Variants in ROS1 observed in about 807,000 individuals in gnomAD.
ROS1 encodes the protein ROS proto-oncogene 1, receptor tyrosine kinase.
Under a neutral mutation model 273.5 loss-of-function variants are expected in ROS1, and 263 were observed. That is an observed-to-expected ratio of 0.96 (90% CI 0.87 to 1.06). The LOEUF (loss-of-function observed/expected upper bound fraction) is 1.06. Among genes scored for constraint, ROS1 ranks in the 50% least tolerant of loss-of-function variants. ROS1 has a pLI of 0.00. For synonymous variants in ROS1, 1,008 were observed against 954.1 expected, an observed-to-expected ratio of 1.06 and a Z score of -1.04; for missense variants, 2,833 against 2,751.1, an observed-to-expected ratio of 1.03 and a Z score of -0.67.
chr6:117,330,416 A>G (rs1776995467), intron 32 of ROS1, among the ~76,000 whole-genome samples: 1 of 152,236 alleles, frequency 6.6e-6, no homozygotes. Flanking sequence ...GAATCTGGGA[A>G]GCCCAGACAA....
chr6:117,330,350 G>T (rs1178303605), intron 32 of ROS1, among the ~76,000 whole-genome samples: 2 of 152,240 alleles, frequency 1.3e-5, no homozygotes, highest in Non-Finnish European at 2.9e-5. Flanking sequence ...AGGGGGAGGG[G>T]TGGCTGCAGT....
chr6:117,328,515 A>G (rs1776810448), intron 33 of ROS1: 2 of 387,584 alleles, frequency 5.2e-6, no homozygotes, highest in Non-Finnish European at 9.9e-6. Flanking sequence ...GGAATTCTCT[A>G]GTATGAACAG....
At chr6:117,351,218 C>T (rs1453330756) in intron 27 of ROS1, among the ~76,000 whole-genome samples, 2 of 152,126 alleles carry the variant, frequency 1.3e-5, no homozygotes, top group African/African-American at 4.8e-5. Context: ...GTGAACTTCA[C>T]AGGTTCTTTT....
Position 117,288,109 on chromosome 6 carries a change from A to G in ROS1, c.*383T>C, listed in dbSNP as rs182532477. 8.3e-4 allele frequency among the ~76,000 whole-genome samples: 126 copies of G among 152,146 alleles called. No individual in the cohort carries two copies. The highest frequency in any genetic ancestry group is 1.6e-3 in the Non-Finnish European group (110 of 67,982). ...GAGCCTACTCCTTAGCCTCTTCTTTATATCGCTGAACACACCTATTCTGTC... is the reference window on the plus strand; with the variant it reads ...GAGCCTACTCCTTAGCCTCTTCTTTGTATCGCTGAACACACCTATTCTGTC... On this transcript the variant is annotated 3_prime_UTR_variant, in exon 44 of 44. Coordinates refer to ENST00000368507, the MANE Select transcript of ROS1 (RefSeq NM_001378902.1).
chr6:117,362,938 T>TA, intron 21 of ROS1, 73 bp from the exon 22 acceptor site: 2 of 1,267,046 alleles, frequency 1.6e-6, no homozygotes, highest in Non-Finnish European at 2.1e-6. Flanking sequence ...TTACCACTTA[T>TA]AATAAGATTG....
chr6:117,367,118 G>A (rs1158657029), intron 18 of ROS1, among the ~76,000 whole-genome samples: 1 of 152,204 alleles, frequency 6.6e-6, no homozygotes, highest in Non-Finnish European at 1.5e-5. Flanking sequence ...AGGTGAAGCA[G>A]AAGGGCTTTG....
chr6:117,290,725 T>A (rs1486372116), intron 43 of ROS1, among the ~76,000 whole-genome samples: 2 of 152,200 alleles, frequency 1.3e-5, no homozygotes, highest in Non-Finnish European at 2.9e-5. Context: ...GATGCCCAGA[T>A]ATGTTACTAA....
At chr6:117,408,075 A>C (rs1184029968) in intron 5 of ROS1, among the ~76,000 whole-genome samples, 6 of 152,002 alleles carry the variant, frequency 3.9e-5, no homozygotes, top group African/African-American at 1.5e-4. Context: ...AGATGGATTA[A>C]AGACTTAAAC....
chr6:117,331,987 C>A (rs1404394612), intron 32 of ROS1, among the ~76,000 whole-genome samples: 1 of 152,202 alleles, frequency 6.6e-6, no homozygotes, highest in African/African-American at 2.4e-5. Flanking sequence ...ACTCACATAA[C>A]AATACCTACC....
chr6:117,376,166 A>C (rs1310873221), intron 18 of ROS1, among the ~76,000 whole-genome samples: 1 of 152,110 alleles, frequency 6.6e-6, no homozygotes, highest in East Asian at 1.9e-4. Context: ...CAAGAAAAAA[A>C]TGTACCAATA....
chr6:117,424,918 C>T (rs1311719727), intron 1 of ROS1, among the ~76,000 whole-genome samples: 1 of 152,052 alleles, frequency 6.6e-6, no homozygotes, highest in Non-Finnish European at 1.5e-5. Flanking sequence ...AATTCAGTGA[C>T]TGTTTTAAGC....
intron 9 of ROS1, 50 bp from the exon 10 acceptor site, chr6:117,394,788 C>A: frequency 6.6e-7 from 1 of 1,507,642 alleles, no homozygotes. Flanking sequence ...CACAGGTACA[C>A]TAACAGACAC....
chr6:117,403,029 T>A, intron 7 of ROS1, 110 bp downstream of exon 7: 1 of 1,237,922 alleles, frequency 8.1e-7, no homozygotes, highest in Non-Finnish European at 1.2e-6. Flanking sequence ...AGTTGTTGAA[T>A]GGATCGATTA....
intron 14 of ROS1, among the ~76,000 whole-genome samples, chr6:117,387,243 G>A (rs182125351): frequency 3.5e-3 from 530 of 152,336 alleles, no homozygotes; most frequent in Non-Finnish European, 5.7e-3. Flanking sequence ...AACGCATGGT[G>A]AGATTGCCTC....
At chr6:117,328,555 G>A (rs1776813482) in intron 33 of ROS1, 1 of 415,544 alleles carries the variant, frequency 2.4e-6, no homozygotes, top group Non-Finnish European at 4.6e-6. Context: ...GGGAATGCCA[G>A]AGCCAGATGA....
intron 43 of ROS1, among the ~76,000 whole-genome samples, chr6:117,296,963 A>G (rs1043446341): frequency 1.3e-5 from 2 of 152,146 alleles, no homozygotes; most frequent in African/African-American, 4.8e-5. Context: ...AAATAAATTT[A>G]AAAAATAATA....
chr6:117,366,755 C>G (rs1780280968), intron 18 of ROS1, among the ~76,000 whole-genome samples: 1 of 152,146 alleles, frequency 6.6e-6, no homozygotes, highest in Non-Finnish European at 1.5e-5. Context: ...CTCAAGTGAT[C>G]TGACTGCCTC....
intron 32 of ROS1, among the ~76,000 whole-genome samples, chr6:117,331,646 A>G (rs1227346420): frequency 6.6e-6 from 1 of 152,224 alleles, no homozygotes; most frequent in Non-Finnish European, 1.5e-5. Flanking sequence ...TGGACCTCTC[A>G]ACATAAACCC....
At chr6:117,408,484 C>G (rs1774615795) in intron 5 of ROS1, among the ~76,000 whole-genome samples, 1 of 152,168 alleles carries the variant, frequency 6.6e-6, no homozygotes, top group Admixed American at 6.5e-5. Flanking sequence ...CACTGGCCAT[C>G]AGAGAAATGC....
Sources: gnomAD v4.1 joint callset for allele counts (sites outside exome capture counted in the v4.1 genomes callset) on GRCh38, gnomAD v4.1.1 for gene constraint, MANE v1.5 for transcripts, NCBI Gene and HGNC (gene_info 2026-07-23, HGNC 2026-07-21) for gene names.